Variants in ZFAND3 observed in about 807,000 individuals in gnomAD.
ZFAND3 encodes the protein zinc finger AN1-type containing 3.
Under a neutral mutation model 29.6 loss-of-function variants are expected in ZFAND3, and 10 were observed. That is an observed-to-expected ratio of 0.34 (90% CI 0.21 to 0.57). The LOEUF is 0.57. Among genes scored for constraint, ZFAND3 ranks in the 20% least tolerant of loss-of-function variants. The pLI is 0.86. For synonymous variants in ZFAND3, 128 were observed against 112.6 expected, an observed-to-expected ratio of 1.14 and a Z score of -0.87; for missense variants, 230 against 304.5, an observed-to-expected ratio of 0.76 and a Z score of 1.82.
chr6:38,125,491 G>A (rs1765617527), intron 5 of ZFAND3, among the ~76,000 whole-genome samples: 1 of 152,120 alleles, frequency 6.6e-6, no homozygotes, highest in Admixed American at 6.5e-5. Flanking sequence ...CTTCTTACAA[G>A]ACCGAATGTG....
chr6:37,834,818 T>C (rs1226821799), intron 1 of ZFAND3, among the ~76,000 whole-genome samples: 4 of 150,690 alleles, frequency 2.7e-5, no homozygotes, highest in African/African-American at 9.8e-5. Context: ...CATATGCATA[T>C]ATCATTATGA....
chr6:37,894,323 G>A (rs1765157399), intron 1 of ZFAND3, among the ~76,000 whole-genome samples: 1 of 151,966 alleles, frequency 6.6e-6, no homozygotes, highest in Non-Finnish European at 1.5e-5. Flanking sequence ...TCATTTCTTT[G>A]TGTAGGTTCA....
chr6:38,120,224 C>G (rs1049046229), intron 5 of ZFAND3, among the ~76,000 whole-genome samples: 1 of 150,636 alleles, frequency 6.6e-6, no homozygotes, highest in Non-Finnish European at 1.5e-5. Context: ...TGTTCTTCTG[C>G]AATCTGGCCA....
rs1193585476 is a variant in ZFAND3 at position 38,041,631 on chromosome 6, TTTCTTC to T, written c.113-19912_113-19907del. ...GTCACCACTGTTTTTTTATCTACTT[TTTCTTC>T]TTCTTCTTCTTCTTCTTCTTCTTCT... is the stretch of plus-strand genomic sequence containing the variant. On this transcript the variant is annotated intron_variant, in intron 2 of 5. Coordinates refer to ENST00000287218, the MANE Select transcript of ZFAND3 (RefSeq NM_021943.3). 1.4e-3 allele frequency among the ~76,000 whole-genome samples: 80 copies of T among 56,236 alleles called. 2 individuals carry two copies. Among genetic ancestry groups the T allele is most frequent in the Non-Finnish European group, 2.5e-3 (54 of 21,584 alleles). The allele number at this position is 56,236 out of a possible 152,430, so 36.9% of individuals were successfully genotyped here.
At chr6:38,117,484 T>C (rs774739151) in intron 5 of ZFAND3, among the ~76,000 whole-genome samples, 1 of 152,160 alleles carries the variant, frequency 6.6e-6, no homozygotes, top group African/African-American at 2.4e-5. Flanking sequence ...CTTGACCACA[T>C]GTATCATGAC....
chr6:38,128,067 G>C (rs1351204172), intron 5 of ZFAND3, among the ~76,000 whole-genome samples: 2 of 152,202 alleles, frequency 1.3e-5, no homozygotes, highest in Non-Finnish European at 2.9e-5. Context: ...CCTGTGTGGA[G>C]CCTTTGCAGC....
chr6:38,012,830 A>T (rs561707882), intron 2 of ZFAND3, among the ~76,000 whole-genome samples: 1 of 152,266 alleles, frequency 6.6e-6, no homozygotes, highest in East Asian at 1.9e-4. Context: ...TTGCAACTTC[A>T]GTTGATCCTC....
intron 1 of ZFAND3, among the ~76,000 whole-genome samples, chr6:37,860,731 T>A (rs1442599130): frequency 6.7e-6 from 1 of 150,192 alleles, no homozygotes; most frequent in Non-Finnish European, 1.5e-5. Flanking sequence ...CCACATCAGG[T>A]ACCTTTTTCA....
chr6:37,913,177 T>C (rs1159712496), intron 1 of ZFAND3, among the ~76,000 whole-genome samples: 5 of 152,190 alleles, frequency 3.3e-5, no homozygotes, highest in African/African-American at 1.2e-4. Flanking sequence ...CAATGAAGTT[T>C]GCTGCATCAA....
intron 2 of ZFAND3, among the ~76,000 whole-genome samples, chr6:37,971,491 T>C (rs1409689574): frequency 6.6e-6 from 1 of 152,214 alleles, no homozygotes; most frequent in African/African-American, 2.4e-5. Flanking sequence ...GCCAAGTTCT[T>C]CTACAATGAC....
intron 2 of ZFAND3, among the ~76,000 whole-genome samples, chr6:38,048,957 G>A (rs1353173894): frequency 6.6e-6 from 1 of 152,094 alleles, no homozygotes; most frequent in Non-Finnish European, 1.5e-5. Flanking sequence ...TTTAAATCAA[G>A]GGTCTTACAT....
intron 1 of ZFAND3, among the ~76,000 whole-genome samples, chr6:37,904,546 G>A (rs1293213820): frequency 6.6e-6 from 1 of 152,190 alleles, no homozygotes; most frequent in East Asian, 1.9e-4. Flanking sequence ...CTTTGAAATA[G>A]TGACAGAGGC....
chr6:37,902,409 G>T (rs1765334127), intron 1 of ZFAND3, among the ~76,000 whole-genome samples: 1 of 152,138 alleles, frequency 6.6e-6, no homozygotes, highest in Non-Finnish European at 1.5e-5. Flanking sequence ...TGAGGCTGCG[G>T]CTGTGGTGAG....
At chr6:37,940,001 C>G (rs2127416625) in intron 2 of ZFAND3, among the ~76,000 whole-genome samples, 1 of 152,204 alleles carries the variant, frequency 6.6e-6, no homozygotes, top group South Asian at 2.1e-4. Context: ...GATTGTGCCA[C>G]TGCACTCCAG....
At chr6:37,892,375 T>C (rs1262076079) in intron 1 of ZFAND3, among the ~76,000 whole-genome samples, 2 of 152,194 alleles carry the variant, frequency 1.3e-5, no homozygotes, top group South Asian at 2.1e-4. Context: ...AAGGATCCCT[T>C]GAGCCCAGGA....
At chr6:37,878,041 C>T (rs1334739145) in intron 1 of ZFAND3, among the ~76,000 whole-genome samples, 1 of 152,154 alleles carries the variant, frequency 6.6e-6, no homozygotes, top group African/African-American at 2.4e-5. Context: ...TGGTTGGTGA[C>T]AGCAGTAGTT....
At chr6:37,973,020 C>A (rs1372009464) in intron 2 of ZFAND3, among the ~76,000 whole-genome samples, 1 of 152,044 alleles carries the variant, frequency 6.6e-6, no homozygotes, top group Non-Finnish European at 1.5e-5. Context: ...ATTTCCCTCC[C>A]TCGAGTTCAT....
chr6:37,864,968 T>C (rs1764562619), intron 1 of ZFAND3, among the ~76,000 whole-genome samples: 2 of 152,100 alleles, frequency 1.3e-5, no homozygotes, highest in African/African-American at 2.4e-5. Flanking sequence ...TCACTTGAGG[T>C]CAGGAGTTTG....
At chr6:38,022,144 C>A (rs2127447803) in intron 2 of ZFAND3, among the ~76,000 whole-genome samples, 1 of 152,272 alleles carries the variant, frequency 6.6e-6, no homozygotes, top group Non-Finnish European at 1.5e-5. Flanking sequence ...AGGTCCTGCC[C>A]CATGCATTCC....
Sources: gnomAD v4.1 joint callset for allele counts (sites outside exome capture counted in the v4.1 genomes callset) on GRCh38, gnomAD v4.1.1 for gene constraint, MANE v1.5 for transcripts, NCBI Gene and HGNC (gene_info 2026-07-23, HGNC 2026-07-21) for gene names.